Variants in PKNOX2 observed in about 807,000 individuals in gnomAD.
The protein encoded by PKNOX2 is PBX/knotted 1 homeobox 2.
PKNOX2 carries 14 observed loss-of-function variants against 53.1 expected under a neutral mutation model. That is an observed-to-expected ratio of 0.26 (90% CI 0.17 to 0.41). The LOEUF (loss-of-function observed/expected upper bound fraction) is 0.41. Among genes scored for constraint, PKNOX2 ranks in the 10% least tolerant of loss-of-function variants. The pLI, the probability that PKNOX2 is intolerant of heterozygous loss-of-function variation, is 1.00. For missense variants in PKNOX2, 496 were observed against 602.8 expected (o/e 0.82, Z 1.85); for synonymous variants, 257 against 242.8 (o/e 1.06, Z -0.54).
chr11:125,383,237 G>A (rs572314085), intron 5 of PKNOX2, among the ~76,000 whole-genome samples: 2 of 152,278 alleles, frequency 1.3e-5, no homozygotes, highest in East Asian at 3.9e-4. Context: ...CAAATACCAT[G>A]TAAGCTAGAT....
At chr11:125,229,823 A>G (rs898337661) in intron 1 of PKNOX2, among the ~76,000 whole-genome samples, 13 of 152,136 alleles carry the variant, frequency 8.5e-5, no homozygotes, top group Middle Eastern at 3.4e-3. Flanking sequence ...TCGAGGGTTT[A>G]CCTCTGCTGA....
At chr11:125,235,930 G>A (rs925003419) in intron 2 of PKNOX2, among the ~76,000 whole-genome samples, 3 of 152,164 alleles carry the variant, frequency 2.0e-5, no homozygotes, top group African/African-American at 7.2e-5. Flanking sequence ...TTTAGTAAGT[G>A]TTACCTGGAT....
At chr11:125,175,247 G>GGAAA in intron 1 of PKNOX2, among the ~76,000 whole-genome samples, 1 of 90,356 alleles carries the variant, frequency 1.1e-5, no homozygotes, top group Non-Finnish European at 2.7e-5. Context: ...AAGGAAGGAA[G>GGAAA]GAAAGAAGGA....
intron 1 of PKNOX2, among the ~76,000 whole-genome samples, chr11:125,205,103 T>C (rs36015256): frequency 0.015 from 2,254 of 152,352 alleles, 36 homozygotes; most frequent in East Asian, 0.034. Flanking sequence ...TCATTACATG[T>C]TACTCCTAGA....
chr11:125,180,385 G>A (rs1956088182), intron 1 of PKNOX2, among the ~76,000 whole-genome samples: 1 of 152,334 alleles, frequency 6.6e-6, no homozygotes, highest in Non-Finnish European at 1.5e-5. Flanking sequence ...ATGAATGAAT[G>A]AGTGAATGAA....
chr11:125,376,299 G>C (rs554111212), intron 5 of PKNOX2, among the ~76,000 whole-genome samples: 1 of 152,264 alleles, frequency 6.6e-6, no homozygotes, highest in South Asian at 2.1e-4. Context: ...CCGCCCACTG[G>C]GCAGGACTAA....
intron 3 of PKNOX2, among the ~76,000 whole-genome samples, chr11:125,347,527 C>T (rs533586054): frequency 9.2e-5 from 14 of 152,208 alleles, no homozygotes; most frequent in Middle Eastern, 6.8e-3. Flanking sequence ...TCCAGACTGC[C>T]GACCTGGTGG....
intron 5 of PKNOX2, among the ~76,000 whole-genome samples, chr11:125,376,746 G>C (rs1291581931): frequency 6.6e-6 from 1 of 152,112 alleles, no homozygotes. Flanking sequence ...GCCATATACT[G>C]TGCCTAACCC....
chr11:125,302,780 T>G (rs77958707), intron 2 of PKNOX2, among the ~76,000 whole-genome samples: 2,986 of 152,290 alleles, frequency 0.02, 99 homozygotes, highest in African/African-American at 0.066. Context: ...GGAGGTGCCG[T>G]GTTCCCTCCT....
intron 5 of PKNOX2, among the ~76,000 whole-genome samples, chr11:125,378,262 G>A (rs906713297): frequency 6.6e-6 from 1 of 152,296 alleles, no homozygotes; most frequent in Non-Finnish European, 1.5e-5. Context: ...TAGCCAGAGC[G>A]CCACCGATCC....
intron 1 of PKNOX2, among the ~76,000 whole-genome samples, chr11:125,232,077 T>C (rs1420445892): frequency 1.3e-5 from 2 of 152,196 alleles, no homozygotes; most frequent in Non-Finnish European, 2.9e-5. Context: ...CTTTCTTATG[T>C]TGAACTGCAG....
At chr11:125,258,184 T>C (rs1944559694) in intron 2 of PKNOX2, among the ~76,000 whole-genome samples, 1 of 152,124 alleles carries the variant, frequency 6.6e-6, no homozygotes, top group African/African-American at 2.4e-5. Context: ...CTCATAGACT[T>C]TCCTTAGCTT....
chr11:125,220,945 G>A (rs901617807), intron 1 of PKNOX2, among the ~76,000 whole-genome samples: 5 of 152,134 alleles, frequency 3.3e-5, no homozygotes, highest in African/African-American at 1.2e-4. Flanking sequence ...AGAGGCCGAG[G>A]CGGGCGAATC....
chr11:125,397,988 A>G lies in PKNOX2; in HGVS notation c.514A>G (p.Ser172Gly). The G allele has an allele frequency of 1.2e-6, 2 of 1,614,156 alleles. No homozygotes were observed. The highest frequency in any genetic ancestry group is 8.5e-7 in the Non-Finnish European group (1 of 1,180,000). The change falls in exon 7 of 13, where the codon AGC (serine) becomes GGC (glycine). Residue 172 changes from serine to glycine, a missense_variant. By Grantham distance (56) the Ser-to-Gly change is moderately conservative (BLOSUM62 0). This residue lies in a region of PKNOX2 where 141 missense variants were observed against 143.9 expected (regional missense o/e 0.98). Transcript: ENST00000298282. ...YITCLKTKMH[S>G]DNLLRNDLGG... Reference sequence around the variant, plus strand: ...CACCTGCCTCAAAACCAAGATGCACAGCGACAACCTGCTCAGGAATGATCT... The same window carrying G: ...CACCTGCCTCAAAACCAAGATGCACGGCGACAACCTGCTCAGGAATGATCT...
intron 2 of PKNOX2, among the ~76,000 whole-genome samples, chr11:125,297,892 T>A (rs909507124): frequency 1.6e-4 from 25 of 152,186 alleles, no homozygotes; most frequent in African/African-American, 5.5e-4. Context: ...TAGCTCATTG[T>A]CACATTTCCA....
intron 1 of PKNOX2, among the ~76,000 whole-genome samples, chr11:125,192,570 C>A (rs920956247): frequency 6.6e-6 from 1 of 152,184 alleles, no homozygotes; most frequent in African/African-American, 2.4e-5. Context: ...TTGTTCCTCC[C>A]ACAAGTGATA....
At chr11:125,280,238 C>T (rs994133758) in intron 2 of PKNOX2, among the ~76,000 whole-genome samples, 2 of 151,938 alleles carry the variant, frequency 1.3e-5, no homozygotes, top group African/African-American at 2.4e-5. Flanking sequence ...ATTCCCAGTA[C>T]AGTTTTTAAA....
chr11:125,412,510 C>T (rs1447590717), intron 10 of PKNOX2, among the ~76,000 whole-genome samples: 1 of 152,202 alleles, frequency 6.6e-6, no homozygotes, highest in Non-Finnish European at 1.5e-5. Flanking sequence ...TTGTGTGCAG[C>T]ATTAGTTGCA....
At chr11:125,189,447 G>GTGTGTATATA (rs1256963392) in intron 1 of PKNOX2, among the ~76,000 whole-genome samples, 3 of 23,458 alleles carry the variant, frequency 1.3e-4, no homozygotes, top group Admixed American at 4.8e-4. Flanking sequence ...GTGTGTGTGT[G>GTGTGTATATA]TATATATATA....
Sources: gnomAD v4.1 joint callset for allele counts (sites outside exome capture counted in the v4.1 genomes callset) on GRCh38, gnomAD v4.1.1 for gene constraint, gnomAD v4.1.1 regional missense constraint, MANE v1.5 for transcripts, NCBI Gene and HGNC (gene_info 2026-07-23, HGNC 2026-07-21) for gene names.